The following CCR8 variants were observed in gnomAD, a reference collection of about 807,000 sequenced individuals.
CCR8 encodes the protein C-C chemokine receptor type 8.
For synonymous variants in CCR8, 156 were observed against 165.7 expected, an observed-to-expected ratio of 0.94 and a Z score of 0.45; for missense variants, 358 against 417.5, an observed-to-expected ratio of 0.86 and a Z score of 1.24.
In CCR8 at chr3:39,333,080, T is replaced by C. The variant is rs759916337; in HGVS notation, c.749T>C (p.Phe250Ser). 44 of 1,614,028 alleles carry C rather than the reference T, an allele frequency of 2.7e-5. No homozygotes were observed. Among genetic ancestry groups the C allele is most frequent in the Non-Finnish European group, 3.7e-5 (44 of 1,180,034 alleles). Residue 250 changes from phenylalanine to serine, a missense_variant, in exon 2 of 2, where the codon TTC becomes TCC. Transcript: ENST00000326306. ...ATTGTGGTCATTGCATCTTTACTTT[T>C]CTGGGTCCCATTCAACGTGGTTCTT... ...VLIVVIASLLFWVPFNVVLFL... is the reference protein window; with the variant it reads ...VLIVVIASLLSWVPFNVVLFL...
rs199633219 is a variant in CCR8, at chr3:39,333,029, A to G, written c.698A>G (p.Lys233Arg). Residue 233 changes from lysine (K) to arginine (R), a missense_variant, in exon 2 of 2, where the codon AAG becomes AGG. Transcript: ENST00000326306. ...CTGAAGAGGTGTCAAAACCACAACA[A>G]GACCAAGGCCATCAGGTTGGTGCTC... ...HQLKRCQNHN[K>R]TKAIRLVLIV... The G allele has an allele frequency of 6.2e-7, 1 of 1,614,154 alleles. No homozygotes were observed. The highest frequency in any genetic ancestry group is 1.3e-5 in the African/African-American group (1 of 75,058).
intron 1 of CCR8, among the ~76,000 whole-genome samples, chr3:39,330,250 C>A (rs1238883878): frequency 6.6e-6 from 1 of 152,134 alleles, no homozygotes; most frequent in East Asian, 1.9e-4. Flanking sequence ...AAAGAAGTTG[C>A]TGGTGGGTGC....
intron 1 of CCR8, 138 bp from the exon 2 acceptor site, chr3:39,332,180 T>A: frequency 3.3e-6 from 2 of 614,796 alleles, no homozygotes; most frequent in Non-Finnish European, 5.7e-6. Context: ...CTCCAAATAG[T>A]CACACCCACA....
Position 39,333,335 on chromosome 3 carries a change from G to A in CCR8, c.1004G>A (p.Cys335Tyr), listed in dbSNP as rs1279850516. The A allele has an allele frequency of 1.2e-6, 2 of 1,613,972 alleles. No individual in the cohort carries two copies. The highest frequency in any genetic ancestry group is 1.3e-5 in the African/African-American group (1 of 74,894). Residue 335 changes from cysteine to tyrosine, a missense_variant, in exon 2 of 2, where the codon TGT becomes TAT. Coordinates refer to ENST00000326306, the MANE Select transcript of CCR8 (RefSeq NM_005201.4). ...YLGRQMPRES[C>Y]EKSSSCQQHS... ...GGAAGACAAATGCCTAGGGAGAGCT[G>A]TGAAAAGTCATCATCCTGCCAGCAG...
intron 1 of CCR8, among the ~76,000 whole-genome samples, chr3:39,331,814 A>T (rs961283202): frequency 1.5e-3 from 127 of 87,226 alleles, no homozygotes; most frequent in East Asian, 2.1e-3. Context: ...TTTTTTTTTA[A>T]TTTTAATTTT....
At chr3:39,332,206 T>C (rs2041262426) in intron 1 of CCR8, 112 bp from the exon 2 acceptor site, 1 of 664,490 alleles carries the variant, frequency 1.5e-6, no homozygotes, top group East Asian at 2.7e-5. Context: ...GGTTGAGCAC[T>C]TCAACACATG....
At chr3:39,332,116 C>T (rs776436449) in intron 1 of CCR8, among the ~76,000 whole-genome samples, 3 of 152,088 alleles carry the variant, frequency 2.0e-5, no homozygotes, top group Non-Finnish European at 4.4e-5. Context: ...CCACAGCTCC[C>T]GGTCTATCAT....
chr3:39,333,153 A>T lies in CCR8; in HGVS notation c.822A>T (p.Ile274=), dbSNP rs763160489. 6.2e-6 allele frequency: 10 copies of T among 1,614,020 alleles called. No homozygotes were observed. In the South Asian group the frequency reaches 1.1e-4, roughly 18 times the overall value. ...TGCACATCTTGGATGGATGTAGCAT[A>T]AGCCAACAGCTGACTTATGCCACCC... is the stretch of plus-strand genomic sequence containing the variant. ...HSMHILDGCS[I]SQQLTYATHV... is the part of the protein sequence containing the mutation. The change falls in exon 2 of 2, where the codon ATA becomes ATT. Residue 274 remains isoleucine (I), a synonymous_variant. Transcript: ENST00000326306.
chr3:39,330,197 T>G (rs1317351454), intron 1 of CCR8, among the ~76,000 whole-genome samples: 1 of 152,198 alleles, frequency 6.6e-6, no homozygotes, highest in Non-Finnish European at 1.5e-5. Flanking sequence ...ACCTGGGTGC[T>G]GTTCTTAAGG....
At chr3:39,330,367 G>C (rs1013396179) in intron 1 of CCR8, among the ~76,000 whole-genome samples, 2 of 152,138 alleles carry the variant, frequency 1.3e-5, no homozygotes, top group Admixed American at 6.5e-5. Flanking sequence ...ACTCCAGCTT[G>C]GGCAACATAG....
In CCR8 at chr3:39,333,316, C is replaced by T; in HGVS notation, c.985C>T (p.Gln329Ter). Residue 329 changes from glutamine to a stop codon, truncating the protein, a stop_gained, in exon 2 of 2, where the codon CAA (glutamine) becomes TAA (stop). Coordinates refer to ENST00000326306, the MANE Select transcript of CCR8 (RefSeq NM_005201.4). LOFTEE classifies it low-confidence loss of function (END_TRUNC). ...CSQIFNYLGR[Q>*]MPRESCEKSS... is the part of the protein sequence containing the mutation. ...CCAAATCTTCAACTACCTAGGAAGACAAATGCCTAGGGAGAGCTGTGAAAA... is the reference window on the plus strand; with the variant it reads ...CCAAATCTTCAACTACCTAGGAAGATAAATGCCTAGGGAGAGCTGTGAAAA... 1 of 1,614,042 alleles carries T rather than the reference C, an allele frequency of 6.2e-7. No individual in the cohort carries two copies. The highest frequency in any genetic ancestry group is 8.5e-7 in the Non-Finnish European group (1 of 1,179,948).
rs781308319 is a variant in CCR8 at position 39,332,556 on chromosome 3, G to C, written c.225G>C (p.Leu75Phe). 5.0e-6 allele frequency: 8 copies of C among 1,614,120 alleles called. No homozygotes were observed. The South Asian group carries it at 7.7e-5, about 16-fold the overall frequency. ...GGAGCATCACAGATGTATACCTCTT[G>C]AACCTGGCCCTGTCTGACCTGCTTT... ...KLRSITDVYL[L>F]NLALSDLLFV... Residue 75 changes from leucine (L) to phenylalanine (F), a missense_variant, in exon 2 of 2, where the codon TTG becomes TTC. Physicochemically the swap from Leu to Phe is conservative, Grantham distance 22 (BLOSUM62 0). Transcript: ENST00000326306.
In CCR8 at chr3:39,333,544, G is replaced by C; in HGVS notation, c.*145G>C. ...TTGTTGCCAACACTTGGAACACAAT[G>C]ACTAAAGACATAGTTGTGCATGCCT... On this transcript the variant is annotated 3_prime_UTR_variant, in exon 2 of 2. Transcript: ENST00000326306. 1.6e-6 allele frequency: 1 copy of C among 632,466 alleles called. No individual in the cohort carries two copies. The allele number at this position is 632,466 out of a possible 1,614,324, so 39.2% of individuals were successfully genotyped here. A position where few individuals can be genotyped will look rare whatever the true frequency, so the allele number is the denominator to read the frequency against.
chr3:39,332,366 T>A lies in CCR8; in HGVS notation c.35T>A (p.Val12Glu). ...DYTLDLSVTT[V>E]TDYYYPDIFS... ...ACACTTGACCTCAGTGTGACAACAG[T>A]GACCGACTACTACTACCCTGATATC... The change falls in exon 2 of 2, where the codon GTG becomes GAG. Residue 12 changes from valine to glutamate, a missense_variant. Transcript: ENST00000326306. 6.2e-7 allele frequency: 1 copy of A among 1,614,028 alleles called. No individual in the cohort carries two copies. The highest frequency in any genetic ancestry group is 1.1e-5 in the South Asian group (1 of 91,082).
intron 1 of CCR8, among the ~76,000 whole-genome samples, chr3:39,331,429 G>A (rs1303363570): frequency 1.3e-5 from 2 of 152,202 alleles, no homozygotes; most frequent in African/African-American, 2.4e-5. Flanking sequence ...AAGGACACTA[G>A]TTCTATCAGA....
rs761982553 is a variant in CCR8, at chr3:39,332,916, G to T, written c.585G>T (p.Lys195Asn). The change falls in exon 2 of 2, where the codon AAG becomes AAT. Residue 195 changes from lysine (K) to asparagine (N), a missense_variant. By Grantham distance (94) the Lys-to-Asn change is moderately conservative (BLOSUM62 0). Transcript: ENST00000326306. ...SFYNQQTLKWKIFTNFKMNIL... is the reference protein window; with the variant it reads ...SFYNQQTLKWNIFTNFKMNIL... Reference sequence around the variant, plus strand: ...ACAATCAACAGACTTTGAAGTGGAAGATCTTCACCAACTTCAAAATGAACA... The same window carrying T: ...ACAATCAACAGACTTTGAAGTGGAATATCTTCACCAACTTCAAAATGAACA... 3 of 1,614,102 alleles carry T rather than the reference G, an allele frequency of 1.9e-6. No homozygotes were observed. The highest frequency in any genetic ancestry group is 2.5e-6 in the Non-Finnish European group (3 of 1,179,970).
rs1559379517 is a variant in CCR8 at position 39,333,028 on chromosome 3, AAG to A, written c.699_700del (p.Lys233AsnfsTer40). 6.2e-7 allele frequency: 1 copy of A among 1,614,112 alleles called. No homozygotes were observed. Among genetic ancestry groups the A allele is most frequent in the South Asian group, 1.1e-5 (1 of 91,082 alleles). ...GCTGAAGAGGTGTCAAAACCACAAC[AAG>A]ACCAAGGCCATCAGGTTGGTGCTCA... Reference protein sequence around the residue: ...HQLKRCQNHNKTKAIRLVLIV... With the variant: ...HQLKRCQNHNXTKAIRLVLIV... On this transcript the variant is annotated frameshift_variant, in exon 2 of 2. Transcript: ENST00000326306. LOFTEE classifies it low-confidence loss of function (END_TRUNC).
In CCR8 at chr3:39,332,951, T is replaced by C. The variant is rs1382852503; in HGVS notation, c.620T>C (p.Leu207Ser). The stretch of plus-strand genomic sequence containing the variant: ...AACTTCAAAATGAACATTTTAGGCT[T>C]GTTGATCCCATTCACCATCTTTATG... ...FTNFKMNILG[L>S]LIPFTIFMFC... The change falls in exon 2 of 2, where the codon TTG (leucine) becomes TCG (serine). Residue 207 changes from leucine (L) to serine (S), a missense_variant. Physicochemically the swap from Leu to Ser is moderately radical, Grantham distance 145 (BLOSUM62 -2). Coordinates refer to ENST00000326306, the MANE Select transcript of CCR8 (RefSeq NM_005201.4). 5 of 1,614,076 alleles carry C rather than the reference T, an allele frequency of 3.1e-6. 1 individual carries two copies. Among genetic ancestry groups the C allele is most frequent in the Non-Finnish European group, 4.2e-6 (5 of 1,180,026 alleles).
chr3:39,330,387 G>T (rs945169848), intron 1 of CCR8, among the ~76,000 whole-genome samples: 1 of 152,130 alleles, frequency 6.6e-6, no homozygotes, highest in African/African-American at 2.4e-5. Context: ...GTGAGACCCT[G>T]TCTCTAAAAA....
Sources: gnomAD v4.1 joint callset for allele counts (sites outside exome capture counted in the v4.1 genomes callset) on GRCh38, gnomAD v4.1.1 for gene constraint, MANE v1.5 for transcripts, NCBI Gene and HGNC (gene_info 2026-07-23, HGNC 2026-07-21) for gene names.